The following GPLD1 variants were observed in gnomAD, a reference collection of about 807,000 sequenced individuals.
GPLD1 encodes phosphatidylinositol-glycan-specific phospholipase D.
In GPLD1, 84 loss-of-function variants were observed where a neutral mutation model predicts 112.6. The ratio of observed to expected loss-of-function variants is 0.75; its 90% confidence interval spans 0.63 to 0.89. GPLD1 has a LOEUF of 0.89. Among genes scored for constraint, GPLD1 ranks in the 40% least tolerant of loss-of-function variants. GPLD1 has a pLI of 0.00. For missense variants in GPLD1, 1,044 were observed against 1,051.5 expected, an observed-to-expected ratio of 0.99 and a Z score of 0.10; for synonymous variants, 386 against 403.8, an observed-to-expected ratio of 0.96 and a Z score of 0.53.
chr6:24,438,107 C>T (rs1762637349), intron 20 of GPLD1, among the ~76,000 whole-genome samples: 1 of 152,184 alleles, frequency 6.6e-6, no homozygotes, highest in South Asian at 2.1e-4. Context: ...GTGCCCAGTG[C>T]CTTCTGAATA....
chr6:24,447,812 G>A lies in GPLD1; in HGVS notation c.1678+65C>T. 9 of 1,452,728 alleles carry A rather than the reference G, an allele frequency of 6.2e-6. No individual in the cohort carries two copies. The South Asian group carries it at 1.0e-4, about 17-fold the overall frequency. 90.0% of individuals were successfully genotyped at this position (1,452,728 alleles called of 1,614,324 possible). On this transcript the variant is annotated intron_variant, in intron 17 of 24. Transcript: ENST00000230036. ...AAGGAAAAAGGATATAAACCCCTAT[G>A]CAGGATAAGTTGTCGTAGACACACA...
chr6:24,445,699 C>G (rs774910588), intron 19 of GPLD1, 27 bp downstream of exon 19: 1 of 1,603,152 alleles, frequency 6.2e-7, no homozygotes, highest in Non-Finnish European at 8.5e-7. Context: ...AGTGTCCACT[C>G]TCCTGTGTGG....
Position 24,449,898 on chromosome 6 carries a change from G to A in GPLD1, c.1337C>T (p.Pro446Leu). 6.2e-7 allele frequency: 1 copy of A among 1,608,630 alleles called. No homozygotes were observed. Among genetic ancestry groups the A allele is most frequent in the Non-Finnish European group, 8.5e-7 (1 of 1,175,646 alleles). ...CAAGGCCGAGCCAAACCGACCTGAG[G>A]GCTGAAGAGGCACAAGTTTACTTCC... ...EAHRILEGFQPSGRFGSALAV... is the reference protein window; with the variant it reads ...EAHRILEGFQLSGRFGSALAV... Residue 446 changes from proline to leucine, a missense_variant and splice_region_variant, in exon 15 of 25, where the codon CCC (proline) becomes CTC (leucine). By Grantham distance (98) the Pro-to-Leu change is moderately conservative. Coordinates refer to ENST00000230036, the MANE Select transcript of GPLD1 (RefSeq NM_001503.4).
chr6:24,484,540 T>C (rs1397367524), intron 2 of GPLD1, among the ~76,000 whole-genome samples: 1 of 152,206 alleles, frequency 6.6e-6, no homozygotes, highest in Non-Finnish European at 1.5e-5. Flanking sequence ...ACATTAGTAT[T>C]TGGATTAGAA....
Position 24,436,717 on chromosome 6 carries a change from G to A in GPLD1, c.2217C>T (p.Ala739=), listed in dbSNP as rs1054429162. 1.2e-6 allele frequency: 2 copies of A among 1,613,448 alleles called. No homozygotes were observed. Among genetic ancestry groups the A allele is most frequent in the Non-Finnish European group, 1.7e-6 (2 of 1,179,856 alleles). Reference sequence around the variant, plus strand: ...AGGTTACATCTGCTATCCTCAGGGGGGCTGCCATGATGATTTCATCTGAAA... The same window carrying A: ...AGGTTACATCTGCTATCCTCAGGGGAGCTGCCATGATGATTTCATCTGAAA... ...DDGLDEIIMA[A]PLRIADVTSG... Residue 739 remains alanine (A), a synonymous_variant, in exon 22 of 25, where the codon GCC becomes GCT. Coordinates refer to ENST00000230036, the MANE Select transcript of GPLD1 (RefSeq NM_001503.4).
chr6:24,447,946 C>T lies in GPLD1; in HGVS notation c.1609G>A (p.Ala537Thr). ...EPDLVIGSPF[A>T]PGGGKQKGIV... ...CCCTTCTGCTTCCCTCCACCTGGTG[C>T]AAAAGGGGAGCCGATGACCAGATCG... The change falls in exon 17 of 25, where the codon GCA becomes ACA. Residue 537 changes from alanine (A) to threonine (T), a missense_variant. Physicochemically the swap from Ala to Thr is moderately conservative, Grantham distance 58. Transcript: ENST00000230036. The T allele has an allele frequency of 6.2e-7, 1 of 1,613,896 alleles. No homozygotes were observed. Among genetic ancestry groups the T allele is most frequent in the Non-Finnish European group, 8.5e-7 (1 of 1,179,970 alleles).
At chr6:24,494,735 C>A in intron 1 of GPLD1, 1 of 345,642 alleles carries the variant, frequency 2.9e-6, no homozygotes, top group Non-Finnish European at 5.1e-6. Context: ...CATCCCCGAA[C>A]CCAACCCTCC....
intron 20 of GPLD1, among the ~76,000 whole-genome samples, chr6:24,440,708 C>T (rs1271942163): frequency 7.6e-6 from 1 of 132,346 alleles, no homozygotes; most frequent in East Asian, 2.2e-4. Context: ...GGCAACATAG[C>T]AAGACTCCAA....
chr6:24,449,041 G>A (rs1414730964), intron 15 of GPLD1, among the ~76,000 whole-genome samples: 1 of 152,082 alleles, frequency 6.6e-6, no homozygotes, highest in African/African-American at 2.4e-5. Context: ...GGACAAGGAA[G>A]TATCAGCCTC....
Position 24,436,634 on chromosome 6 carries a change from G to A in GPLD1, c.2300C>T (p.Thr767Ile), listed in dbSNP as rs1426437431. 1.2e-6 allele frequency: 2 copies of A among 1,613,842 alleles called. No individual in the cohort carries two copies. Among genetic ancestry groups the A allele is most frequent in the Admixed American group, 3.3e-5 (2 of 59,994 alleles). ...RVYVYNGKET[T>I]LGDMTGKCKS... ...GCATTTGCCAGTCATGTCACCAAGG[G>A]TGGTCTCTTTGCCATTATATACATA... The change falls in exon 22 of 25, where the codon ACC becomes ATC. Residue 767 changes from threonine to isoleucine, a missense_variant. Coordinates refer to ENST00000230036, the MANE Select transcript of GPLD1 (RefSeq NM_001503.4).
At chr6:24,475,337 AC>A (rs141715343) in intron 4 of GPLD1, 106 bp from the exon 5 acceptor site, 14,313 of 679,968 alleles carry the variant, frequency 0.021, 1,175 homozygotes, top group African/African-American at 0.2. Context: ...CTGAGACCTA[AC>A]AAAAAATTTC....
At chr6:24,490,258 A>G (rs1311598807), upstream of GPLD1, among the ~76,000 whole-genome samples, 1 of 152,190 alleles carries the variant, frequency 6.6e-6, no homozygotes, top group Non-Finnish European at 1.5e-5. Context: ...AGGGTTTGGA[A>G]AATGTTAAGC....
At chr6:24,454,259 C>G in intron 13 of GPLD1, 58 bp from the exon 14 acceptor site, 1 of 1,257,286 alleles carries the variant, frequency 8.0e-7, no homozygotes, top group Non-Finnish European at 1.1e-6. Context: ...TTAAAGCTGT[C>G]GCCTGCTTCT....
intron 17 of GPLD1, 33 bp from the exon 18 acceptor site, chr6:24,447,012 C>CT (rs759193325): frequency 1.3e-6 from 2 of 1,596,226 alleles, no homozygotes; most frequent in Non-Finnish European, 1.7e-6. Context: ...TTTACTAATA[C>CT]TTTAAGTGAG....
Position 24,467,313 on chromosome 6 carries a change from T to G in GPLD1, c.546-39A>C, listed in dbSNP as rs529167103. ...AATAAAGTAAGAGTTGTTTTGATTCTGAAGCTGAAAATAGTAACAACAGCA... is the reference window on the plus strand; with the variant it reads ...AATAAAGTAAGAGTTGTTTTGATTCGGAAGCTGAAAATAGTAACAACAGCA... On this transcript the variant is annotated intron_variant, in intron 7 of 24. Coordinates refer to ENST00000230036, the MANE Select transcript of GPLD1 (RefSeq NM_001503.4). 30 of 1,104,950 alleles carry G rather than the reference T, an allele frequency of 2.7e-5. No homozygotes were observed. The African/African-American group carries it at 3.8e-4, about 14-fold the overall frequency. The allele number at this position is 1,104,950 out of a possible 1,614,324, so 68.4% of individuals were successfully genotyped here. A position where few individuals can be genotyped will look rare whatever the true frequency, so the allele number is the denominator to read the frequency against.
intron 11 of GPLD1, among the ~76,000 whole-genome samples, chr6:24,461,031 T>A (rs1025276306): frequency 6.6e-6 from 1 of 152,016 alleles, no homozygotes; most frequent in Non-Finnish European, 1.5e-5. Flanking sequence ...GTGTGAGCCA[T>A]CACGCCCAGC....
upstream of GPLD1, chr6:24,489,598 C>T (rs1010840716): frequency 4.5e-5 from 71 of 1,584,406 alleles, 1 homozygote; most frequent in East Asian, 1.6e-3. Context: ...GGTGCAGACC[C>T]ACCGCTTCTC....
Position 24,426,897 on chromosome 6 carries a change from T to C in GPLD1, c.*2135A>G, listed in dbSNP as rs1220010748. Reference sequence around the variant, plus strand: ...TTACTATGCAGCTAGCACATGTACCTCTTCCAGAAAAATGAGGTCATCCTG... The same window carrying C: ...TTACTATGCAGCTAGCACATGTACCCCTTCCAGAAAAATGAGGTCATCCTG... On this transcript the variant is annotated 3_prime_UTR_variant, in exon 25 of 25. Transcript: ENST00000230036. Among the ~76,000 whole-genome samples, 1 of 152,216 alleles carries C rather than the reference T, an allele frequency of 6.6e-6. No homozygotes were observed. Among genetic ancestry groups the C allele is most frequent in the Non-Finnish European group, 1.5e-5 (1 of 68,034 alleles).
At chr6:24,449,021 T>C (rs1762998130) in intron 15 of GPLD1, among the ~76,000 whole-genome samples, 1 of 151,870 alleles carries the variant, frequency 6.6e-6, no homozygotes, top group South Asian at 2.1e-4. Flanking sequence ...AAGCACAGGA[T>C]GCTAAGTGGG....
Sources: gnomAD v4.1 joint callset for allele counts (sites outside exome capture counted in the v4.1 genomes callset) on GRCh38, gnomAD v4.1.1 for gene constraint, MANE v1.5 for transcripts, NCBI Gene and HGNC (gene_info 2026-07-23, HGNC 2026-07-21) for gene names.